The following CBFA2T3 variants were observed in gnomAD, a reference collection of about 807,000 sequenced individuals.
CBFA2T3 encodes CBFA2/RUNX1 partner transcriptional co-repressor 3, also known as transcriptional corepressor CBFA2T3.
Under a neutral mutation model 58.6 loss-of-function variants are expected in CBFA2T3, and 31 were observed. The observed-to-expected ratio is 0.53, with a 90% confidence interval of 0.40 to 0.71. The LOEUF is 0.71. Ranked by LOEUF, CBFA2T3 falls within the 30% of genes least tolerant of loss-of-function variation. The pLI is 0.00. For missense variants in CBFA2T3, 1,076 were observed against 963.1 expected, an observed-to-expected ratio of 1.12 and a Z score of -1.55; for synonymous variants, 531 against 421.9, an observed-to-expected ratio of 1.26 and a Z score of -3.17.
In CBFA2T3 at chr16:88,885,967, G is replaced by A; in HGVS notation, c.887C>T (p.Pro296Leu). 3.9e-6 allele frequency: 6 copies of A among 1,548,874 alleles called. No individual in the cohort carries two copies. Among genetic ancestry groups the A allele is most frequent in the Non-Finnish European group, 4.4e-6 (5 of 1,147,186 alleles). The stretch of plus-strand genomic sequence containing the variant: ...CCCCGGAGCCCACAGGTACCTGTCG[G>A]GCGTCCTCCTCTTGCCGTTCTCGTT... ...EVNENGKRRT[P>L]DRTKENGSDR... The change falls in exon 6 of 12, where the codon CCC becomes CTC. Residue 296 changes from proline to leucine, a missense_variant. By Grantham distance (98) the Pro-to-Leu change is moderately conservative. Transcript: ENST00000268679. This position sits in a 1 kb window ranked among gnomAD's most constrained non-coding sequence, Gnocchi z 5.3.
intron 5 of CBFA2T3, among the ~76,000 whole-genome samples, chr16:88,887,925 C>T (rs762184171): frequency 3.9e-5 from 6 of 152,192 alleles, no homozygotes; most frequent in African/African-American, 9.6e-5. Flanking sequence ...AGGGCTTTCG[C>T]GGACTCCGCT....
rs748665421 is a variant in CBFA2T3 at position 88,879,258 on chromosome 16, G to A, written c.1662+12C>T. The stretch of plus-strand genomic sequence containing the variant: ...GCAGGGGATGGGTGTCAGCGTGGCC[G>A]GGTGGCCCTACCTCGCTGGAGTCCT... On this transcript the variant is annotated intron_variant, in intron 11 of 11. Transcript: ENST00000268679. The A allele has an allele frequency of 3.9e-5, 62 of 1,579,922 alleles. 1 individual carries two copies. The highest frequency in any genetic ancestry group is 1.6e-4 in the African/African-American group (12 of 74,506).
intron 1 of CBFA2T3, among the ~76,000 whole-genome samples, chr16:88,918,757 A>G (rs1970819000): frequency 6.6e-6 from 1 of 152,208 alleles, no homozygotes; most frequent in African/African-American, 2.4e-5. Flanking sequence ...GGTCACCCAC[A>G]TGGCCCAGCC....
chr16:88,926,082 T>C (rs1971077284), intron 1 of CBFA2T3, among the ~76,000 whole-genome samples: 1 of 152,104 alleles, frequency 6.6e-6, no homozygotes, highest in Non-Finnish European at 1.5e-5. Flanking sequence ...TGGTGGGCGC[T>C]GGGCGGTCTC....
At chr16:88,961,220 G>A (rs541050768) in intron 1 of CBFA2T3, among the ~76,000 whole-genome samples, 147 of 152,322 alleles carry the variant, frequency 9.7e-4, no homozygotes, top group Non-Finnish European at 1.6e-3. Flanking sequence ...GAGCCCGTGA[G>A]AGGTGGTTCC....
chr16:88,912,574 T>G (rs963835221), intron 1 of CBFA2T3, among the ~76,000 whole-genome samples: 1 of 152,132 alleles, frequency 6.6e-6, no homozygotes. Flanking sequence ...CATCACCCAT[T>G]TTTCTTCTCC....
chr16:88,903,274 G>C (rs902915998), intron 1 of CBFA2T3, among the ~76,000 whole-genome samples: 2 of 152,234 alleles, frequency 1.3e-5, no homozygotes, highest in Non-Finnish European at 2.9e-5. Context: ...GAGAGGCAGA[G>C]AGGTTCAGAG....
chr16:88,922,434 C>T (rs894478566), intron 1 of CBFA2T3, among the ~76,000 whole-genome samples: 8 of 152,232 alleles, frequency 5.3e-5, no homozygotes, highest in African/African-American at 4.8e-5. Flanking sequence ...CGGGCACCAG[C>T]GTGGGCGCAG....
At chr16:88,903,643 TGGGGGTGTTCCCGGCTGGGGGG>T (rs1370612721) in intron 1 of CBFA2T3, among the ~76,000 whole-genome samples, 2 of 74,620 alleles carry the variant, frequency 2.7e-5, no homozygotes, top group Non-Finnish European at 5.0e-5. Flanking sequence ...GTTCCTGTGG[TGGGGGTGTTCCCGGCTGGGGGG>T]GGGGGCGTTC....
Position 88,885,080 on chromosome 16 carries a change from G to C in CBFA2T3, c.1083C>G (p.Asp361Glu), listed in dbSNP as rs375093204. Residue 361 changes from aspartate to glutamate, a missense_variant, in exon 7 of 12, where the codon GAC becomes GAG. Asp to Glu is a conservative substitution (Grantham distance 45). Transcript: ENST00000268679. The surrounding 1 kb of genome is among the most constrained non-coding windows in gnomAD (Gnocchi z 5.3). The stretch of plus-strand genomic sequence containing the variant: ...GATGGCGCTCTCGTAGCTCCCGGGG[G>C]TCTGGGTGGCGGTAGGCATCTCGGA... ...HHFRDAYRHP[D>E]PRELRERHRP... 3 of 1,601,874 alleles carry C rather than the reference G, an allele frequency of 1.9e-6. No homozygotes were observed. The highest frequency in any genetic ancestry group is 3.3e-5 in the Admixed American group (2 of 59,796).
Position 88,874,930 on chromosome 16 carries a change from G to A in CBFA2T3, c.*2046C>T, listed in dbSNP as rs1053194633. On this transcript the variant is annotated 3_prime_UTR_variant, in exon 12 of 12. Transcript: ENST00000268679. ...TGAATATCATTTGGACCTCTGCAAA[G>A]ACTATATACATTCACATTAACGTAC... is the stretch of plus-strand genomic sequence containing the variant. The A allele has an allele frequency of 4.3e-6, 1 of 232,884 alleles. No homozygotes were observed. Among genetic ancestry groups the A allele is most frequent in the Non-Finnish European group, 8.5e-6 (1 of 117,602 alleles). The allele number at this position is 232,884 out of a possible 1,614,324, so 14.4% of individuals were successfully genotyped here. A position where few individuals can be genotyped will look rare whatever the true frequency, so the allele number is the denominator to read the frequency against.
chr16:88,879,694 C>T (rs1182685059), intron 10 of CBFA2T3: 1 of 504,372 alleles, frequency 2.0e-6, no homozygotes, highest in Non-Finnish European at 3.6e-6. Context: ...CAAGTGCATG[C>T]AAATAAACAC....
intron 1 of CBFA2T3, among the ~76,000 whole-genome samples, chr16:88,922,358 A>C (rs1276253673): frequency 1.3e-5 from 2 of 152,198 alleles, no homozygotes; most frequent in Non-Finnish European, 2.9e-5. Context: ...CCTCCCCGGG[A>C]AGACTGCTGC....
chr16:88,922,305 T>C (rs1358876877), intron 1 of CBFA2T3, among the ~76,000 whole-genome samples: 4 of 152,228 alleles, frequency 2.6e-5, no homozygotes, highest in Non-Finnish European at 4.4e-5. Context: ...TCAGAGCCGG[T>C]CTAGCCAGAG....
In CBFA2T3 at chr16:88,876,216, A is replaced by C; in HGVS notation, c.*760T>G. ...GGCTGGCTAGCTAGCAAGGTAGTTC[A>C]CAAGTATGCTTCCTTTGCTTTTTTA... On this transcript the variant is annotated 3_prime_UTR_variant, in exon 12 of 12. Coordinates refer to ENST00000268679, the MANE Select transcript of CBFA2T3 (RefSeq NM_005187.6). 4.3e-6 allele frequency: 1 copy of C among 231,360 alleles called. No homozygotes were observed. The highest frequency in any genetic ancestry group is 8.6e-6 in the Non-Finnish European group (1 of 116,652). The allele number at this position is 231,360 out of a possible 1,614,324, so 14.3% of individuals were successfully genotyped here.
chr16:88,877,777 C>T (rs1051643684), intron 11 of CBFA2T3, among the ~76,000 whole-genome samples: 4 of 152,072 alleles, frequency 2.6e-5, no homozygotes, highest in Non-Finnish European at 5.9e-5. Context: ...CTAGGCATCC[C>T]TGTGGGCAGA....
Position 88,882,746 on chromosome 16 carries a change from C to A in CBFA2T3, c.1133G>T (p.Arg378Leu), listed in dbSNP as rs138121416. Residue 378 changes from arginine (R) to leucine (L), a missense_variant, in exon 8 of 12, where the codon CGG becomes CTG. Arg to Leu is a moderately radical substitution (Grantham distance 102). Transcript: ENST00000268679. ...RHRPLVVPGS[R>L]QEEVIDHKLT... is the part of the protein sequence containing the mutation. ...CTTGTGGTCGATCACTTCTTCCTGC[C>A]GGGACCCAGGCACCACTGTGGATGG... The A allele has an allele frequency of 1.3e-6, 2 of 1,581,166 alleles. No individual in the cohort carries two copies. Among genetic ancestry groups the A allele is most frequent in the Non-Finnish European group, 1.7e-6 (2 of 1,163,506 alleles).
chr16:88,922,084 C>T (rs985421804), intron 1 of CBFA2T3, among the ~76,000 whole-genome samples: 37 of 152,214 alleles, frequency 2.4e-4, no homozygotes, highest in African/African-American at 7.2e-4. Context: ...CCAAACGTGT[C>T]GTGGCCAGGA....
intron 1 of CBFA2T3, among the ~76,000 whole-genome samples, chr16:88,961,383 A>G (rs1190017548): frequency 2.0e-5 from 3 of 152,028 alleles, no homozygotes; most frequent in East Asian, 3.9e-4. Context: ...ACTCCATAGC[A>G]ACTGACCCTC....
Sources: allele counts gnomAD v4.1 joint callset (sites outside exome capture counted in the v4.1 genomes callset), GRCh38; gene constraint gnomAD v4.1.1; non-coding constraint Gnocchi (gnomAD v3.1); transcripts MANE v1.5; gene names NCBI Gene and HGNC (gene_info 2026-07-23, HGNC 2026-07-21).